ANO3: variants seen among roughly 807,000 people sequenced by gnomAD.
ANO3 encodes the protein anoctamin 3.
Under a neutral mutation model 144.8 loss-of-function variants are expected in ANO3, and 99 were observed. That is an observed-to-expected ratio of 0.68 (90% CI 0.58 to 0.81). The LOEUF (loss-of-function observed/expected upper bound fraction) is 0.81, where lower values mean the gene tolerates loss of function less well. Ranked by LOEUF, ANO3 falls within the 30% of genes least tolerant of loss-of-function variation. The pLI is 0.00. For synonymous variants in ANO3, 414 were observed against 392.6 expected, an observed-to-expected ratio of 1.05 and a Z score of -0.64; for missense variants, 905 against 1,202.2, an observed-to-expected ratio of 0.75 and a Z score of 3.66.
At chr11:26,516,974 A>G (rs757635543) in intron 6 of ANO3, 47 bp downstream of exon 6, 1 of 1,192,528 alleles carries the variant, frequency 8.4e-7, no homozygotes, top group Non-Finnish European at 1.2e-6. Context: ...TATTAAAATG[A>G]GTCTATCTTT....
chr11:26,630,536 A>C (rs1348013162), intron 18 of ANO3, among the ~76,000 whole-genome samples: 1 of 151,524 alleles, frequency 6.6e-6, no homozygotes, highest in Non-Finnish European at 1.5e-5. Flanking sequence ...TCTTGTGTAC[A>C]TGTAGCTTTT....
intron 24 of ANO3, among the ~76,000 whole-genome samples, chr11:26,654,617 T>G (rs950074453): frequency 3.3e-5 from 5 of 152,136 alleles, no homozygotes; most frequent in African/African-American, 1.2e-4. Flanking sequence ...TCTACTTGTG[T>G]AGGCAATGTT....
At chr11:26,287,793 G>A (rs1263610048) in intron 1 of ANO3, among the ~76,000 whole-genome samples, 1 of 152,214 alleles carries the variant, frequency 6.6e-6, no homozygotes, top group African/African-American at 2.4e-5. Flanking sequence ...CTTACTAGGT[G>A]TGAAAAGAGC....
intron 1 of ANO3, among the ~76,000 whole-genome samples, chr11:26,296,652 T>C (rs1854096006): frequency 6.6e-6 from 1 of 152,136 alleles, no homozygotes; most frequent in Admixed American, 6.5e-5. Context: ...ATCCAACAGG[T>C]GAGACATGGG....
upstream of ANO3, chr11:26,332,105 A>G (rs866131978): frequency 6.7e-7 from 1 of 1,485,834 alleles, no homozygotes. Flanking sequence ...TTCCCATGAC[A>G]ACGACACCGG....
intron 1 of ANO3, among the ~76,000 whole-genome samples, chr11:26,433,496 GC>G (rs1858191838): frequency 6.6e-6 from 1 of 152,116 alleles, no homozygotes; most frequent in South Asian, 2.1e-4. Flanking sequence ...AATACTTTCA[GC>G]TTTTGCCAAT....
chr11:26,596,485 G>T (rs889067415), intron 14 of ANO3, among the ~76,000 whole-genome samples: 4 of 152,176 alleles, frequency 2.6e-5, no homozygotes, highest in African/African-American at 9.7e-5. Flanking sequence ...TGGGGAACGG[G>T]TCCCACATAA....
intron 8 of ANO3, 85 bp downstream of exon 8, chr11:26,531,421 C>T (rs1590472973): frequency 7.0e-7 from 1 of 1,420,276 alleles, no homozygotes; most frequent in Non-Finnish European, 9.5e-7. Flanking sequence ...GGACCATTTC[C>T]ATTGTTTACC....
intron 1 of ANO3, among the ~76,000 whole-genome samples, chr11:26,364,782 T>C (rs1856019102): frequency 6.6e-6 from 1 of 152,224 alleles, no homozygotes; most frequent in East Asian, 1.9e-4. Flanking sequence ...CCACCTCTAG[T>C]ACTTGGGATT....
intron 1 of ANO3, among the ~76,000 whole-genome samples, chr11:26,408,963 C>T (rs568352023): frequency 1.2e-3 from 174 of 145,010 alleles, no homozygotes; most frequent in South Asian, 8.1e-3. Context: ...CATCACACTC[C>T]GGGGACTGTT....
chr11:26,643,414 A>G, intron 23 of ANO3, 80 bp downstream of exon 23: 1 of 1,529,684 alleles, frequency 6.5e-7, no homozygotes, highest in Non-Finnish European at 8.9e-7. Flanking sequence ...CCAGATTCAT[A>G]TGTTGAAACT....
intron 1 of ANO3, among the ~76,000 whole-genome samples, chr11:26,206,620 A>T (rs1166074168): frequency 6.6e-6 from 1 of 152,188 alleles, no homozygotes; most frequent in Non-Finnish European, 1.5e-5. Flanking sequence ...CTGCAGAGAA[A>T]AACATGTACA....
chr11:26,593,689 A>G (rs753372645), intron 14 of ANO3, among the ~76,000 whole-genome samples: 4 of 152,166 alleles, frequency 2.6e-5, no homozygotes, highest in Non-Finnish European at 5.9e-5. Flanking sequence ...CATAAGGGGC[A>G]TGGACAAGGA....
intron 14 of ANO3, chr11:26,572,356 AT>A (rs1302537426): frequency 1.9e-6 from 1 of 519,878 alleles, no homozygotes; most frequent in Non-Finnish European, 2.5e-6. Flanking sequence ...GGGACAAGGT[AT>A]TACTCTCGTC....
intron 8 of ANO3, 92 bp from the exon 9 acceptor site, chr11:26,534,364 G>T: frequency 1.4e-6 from 1 of 710,704 alleles, no homozygotes; most frequent in Non-Finnish European, 2.3e-6. Flanking sequence ...GATTTACTAT[G>T]CTTCATATGC....
intron 13 of ANO3, among the ~76,000 whole-genome samples, chr11:26,556,543 G>A (rs757804402): frequency 6.6e-5 from 10 of 151,940 alleles, no homozygotes; most frequent in Non-Finnish European, 7.4e-5. Flanking sequence ...TCTGGACCCC[G>A]TATCCTGAAA....
rs144948759 is a variant in ANO3, at chr11:26,429,045, T to G, written c.47-12873T>G. Among the ~76,000 whole-genome samples the G allele has an allele frequency of 2.4e-3, 360 of 152,286 alleles. 5 individuals are homozygous for G. The South Asian group carries it at 0.024, about 10-fold the overall frequency. On this transcript the variant is annotated intron_variant, in intron 1 of 26. Transcript: ENST00000256737. ...CGTGGCTCACTGGGTCACTGAGAAGTCACGGTAGTGCCATGTTGGTGAAGC... is the reference window on the plus strand; with the variant it reads ...CGTGGCTCACTGGGTCACTGAGAAGGCACGGTAGTGCCATGTTGGTGAAGC...
chr11:26,395,764 C>T (rs1269933596), intron 1 of ANO3, among the ~76,000 whole-genome samples: 2 of 151,986 alleles, frequency 1.3e-5, no homozygotes, highest in African/African-American at 4.8e-5. Context: ...GAAACTGGAC[C>T]CCTTCCTTAC....
At chr11:26,440,081 G>C (rs1055676012) in intron 1 of ANO3, among the ~76,000 whole-genome samples, 5 of 152,128 alleles carry the variant, frequency 3.3e-5, no homozygotes, top group African/African-American at 1.2e-4. Flanking sequence ...TGTGGGCGGA[G>C]GGCGGGGGTG....
Sources: gnomAD v4.1 joint callset for allele counts (sites outside exome capture counted in the v4.1 genomes callset) on GRCh38, gnomAD v4.1.1 for gene constraint, MANE v1.5 for transcripts, NCBI Gene and HGNC (gene_info 2026-07-23, HGNC 2026-07-21) for gene names.